MESD: variants seen among roughly 807,000 people sequenced by gnomAD.
The protein encoded by MESD is LRP chaperone MESD.
In MESD, 7 loss-of-function variants were observed where a neutral mutation model predicts 12.9. The ratio of observed to expected loss-of-function variants is 0.54; its 90% CI spans 0.31 to 1.02. The LOEUF (loss-of-function observed/expected upper bound fraction) is 1.02, where lower values mean the gene tolerates loss of function less well. Ranked by LOEUF, MESD falls within the 50% of genes least tolerant of loss-of-function variation. The pLI is 0.05. For synonymous variants in MESD, 126 were observed against 115.6 expected (o/e 1.09, Z -0.58); for missense variants, 342 against 296.7 (o/e 1.15, Z -1.12).
At chr15:80,949,055 T>C in intron 4 of MESD, 3 of 1,239,866 alleles carry the variant, frequency 2.4e-6, no homozygotes, top group Non-Finnish European at 3.5e-6. Context: ...TCAGCCCTGA[T>C]GGGCCAAGGG....
chr15:80,965,855 T>C (rs1375534312), intron 3 of MESD, among the ~76,000 whole-genome samples: 2 of 151,980 alleles, frequency 1.3e-5, no homozygotes, highest in Non-Finnish European at 2.9e-5. Context: ...CTAATGTAAA[T>C]GATGAGTTGA....
At chr15:80,986,708 CCT>C (rs1902744269) in intron 1 of MESD, among the ~76,000 whole-genome samples, 1 of 152,184 alleles carries the variant, frequency 6.6e-6, no homozygotes, top group Non-Finnish European at 1.5e-5. Context: ...CAGGCAGTCC[CCT>C]GACTCCAGTC....
At chr15:80,968,454 C>T (rs79015069) in intron 3 of MESD, among the ~76,000 whole-genome samples, 6,016 of 152,262 alleles carry the variant, frequency 0.04, 158 homozygotes, top group Non-Finnish European at 0.062. Flanking sequence ...TTAACCCCTA[C>T]AAGCTTCTGT....
intron 4 of MESD, chr15:80,949,444 T>C (rs1901723582): frequency 5.2e-6 from 1 of 193,560 alleles, no homozygotes; most frequent in African/African-American, 2.3e-5. Context: ...GGGGTAGAAC[T>C]GGCTATCCTT....
chr15:80,965,479 T>C (rs1332508990), intron 3 of MESD, among the ~76,000 whole-genome samples: 2 of 152,238 alleles, frequency 1.3e-5, no homozygotes, highest in East Asian at 3.8e-4. Flanking sequence ...TTATAAATCA[T>C]GTTGCTATAA....
chr15:80,966,874 C>A (rs1902183778), intron 3 of MESD, among the ~76,000 whole-genome samples: 1 of 152,210 alleles, frequency 6.6e-6, no homozygotes, highest in Non-Finnish European at 1.5e-5. Flanking sequence ...AAATAACTGG[C>A]TTGAAGTGGC....
chr15:80,962,735 T>C (rs931129322), intron 3 of MESD, among the ~76,000 whole-genome samples: 21 of 152,326 alleles, frequency 1.4e-4, no homozygotes, highest in African/African-American at 5.1e-4. Flanking sequence ...CCTGAATGAC[T>C]ACTGGGTAAA....
At chr15:80,973,344 C>T (rs1457236996), downstream of MESD, among the ~76,000 whole-genome samples, 1 of 152,090 alleles carries the variant, frequency 6.6e-6, no homozygotes, top group African/African-American at 2.4e-5. Context: ...GAAACCTCGT[C>T]TCTCGAGAAA....
intron 1 of MESD, among the ~76,000 whole-genome samples, chr15:80,987,186 C>T (rs952061427): frequency 5.3e-5 from 8 of 152,192 alleles, no homozygotes; most frequent in Admixed American, 3.3e-4. Context: ...ACCTCTGAGG[C>T]ACAGCCTCTC....
chr15:80,968,609 C>T (rs1458438865), intron 3 of MESD, among the ~76,000 whole-genome samples: 5 of 151,910 alleles, frequency 3.3e-5, no homozygotes. Flanking sequence ...GAGTTTAAGA[C>T]CAGCCAAGGT....
At chr15:80,974,054 T>C (rs977349446), downstream of MESD, among the ~76,000 whole-genome samples, 1 of 151,732 alleles carries the variant, frequency 6.6e-6, no homozygotes, top group Non-Finnish European at 1.5e-5. Context: ...GTAATAGCAA[T>C]TATGGTTCCC....
In MESD at chr15:80,976,788, T is replaced by A. The variant is rs956616710; in HGVS notation, c.*2431A>T. 6.6e-6 allele frequency: 1 copy of A among 152,200 alleles called. No individual in the cohort carries two copies. The highest frequency in any genetic ancestry group is 1.9e-4 in the East Asian group (1 of 5,190). 9.4% of individuals were successfully genotyped at this position (152,200 alleles called of 1,614,324 possible). A position where few individuals can be genotyped will look rare whatever the true frequency, so the allele number is the denominator to read the frequency against. The stretch of plus-strand genomic sequence containing the variant: ...AAAATGTCCACTGCAGCACTGAATA[T>A]ACCAGCAAAAAATCTGAACACTCAA... On this transcript the variant is annotated 3_prime_UTR_variant, in exon 3 of 3. Coordinates refer to ENST00000261758, the MANE Select transcript of MESD (RefSeq NM_015154.3).
rs1486790775 is a variant in MESD, at chr15:80,986,683, G to T, written c.213+2896C>A. Among the ~76,000 whole-genome samples, 4 of 152,226 alleles carry T rather than the reference G, an allele frequency of 2.6e-5. No homozygotes were observed. The East Asian group carries it at 7.7e-4, about 29-fold the overall frequency. On this transcript the variant is annotated intron_variant, in intron 1 of 2. Coordinates refer to ENST00000261758, the MANE Select transcript of MESD (RefSeq NM_015154.3). ...AGTCTTTACCCTGAGGCAGAGCGGG[G>T]GGCCAGGGACAAGTCAGGCAGTCCC...
chr15:80,979,133 T>G lies in MESD; in HGVS notation c.*86A>C. On this transcript the variant is annotated 3_prime_UTR_variant, in exon 3 of 3. Transcript: ENST00000261758. Reference sequence around the variant, plus strand: ...CACTAGAATGTCATCCGGTGTGCAGTTGCCTGAGACCACTCCCACCCCAGG... The same window carrying G: ...CACTAGAATGTCATCCGGTGTGCAGGTGCCTGAGACCACTCCCACCCCAGG... The G allele has an allele frequency of 6.6e-7, 1 of 1,517,764 alleles. No individual in the cohort carries two copies. The highest frequency in any genetic ancestry group is 2.3e-5 in the East Asian group (1 of 44,316). The allele number at this position is 1,517,764 out of a possible 1,614,324, so 94.0% of individuals were successfully genotyped here. A position where few individuals can be genotyped will look rare whatever the true frequency, so the allele number is the denominator to read the frequency against.
downstream of MESD, among the ~76,000 whole-genome samples, chr15:80,972,362 T>A (rs984092818): frequency 2.0e-5 from 3 of 152,226 alleles, no homozygotes; most frequent in African/African-American, 7.2e-5. Context: ...GCCTCAGCTA[T>A]CAAATCATCC....
rs1567128562 is a variant in MESD at position 80,989,714 on chromosome 15, T to C, written c.78A>G (p.Leu26=). Residue 26 remains leucine (L), a synonymous_variant, in exon 1 of 3, where the codon CTA becomes CTG. Coordinates refer to ENST00000261758, the MANE Select transcript of MESD (RefSeq NM_015154.3). ...ASDLLLLLLL[L]PPPGSCAAEG... is the part of the protein sequence containing the mutation. ...CGGCCGCGCAGGACCCAGGCGGTGGTAGCAGTAGCAGCAGCAGCAGCAGGT... is the reference window on the plus strand; with the variant it reads ...CGGCCGCGCAGGACCCAGGCGGTGGCAGCAGTAGCAGCAGCAGCAGCAGGT... The C allele has an allele frequency of 6.2e-7, 1 of 1,609,556 alleles. No homozygotes were observed.
rs374072155 is a variant in MESD, at chr15:80,978,007, G to C, written c.*1212C>G. 1 of 152,174 alleles carries C rather than the reference G, an allele frequency of 6.6e-6. No individual in the cohort carries two copies. Among genetic ancestry groups the C allele is most frequent in the Admixed American group, 6.5e-5 (1 of 15,270 alleles). 9.4% of individuals were successfully genotyped at this position (152,174 alleles called of 1,614,324 possible). A position where few individuals can be genotyped will look rare whatever the true frequency, so the allele number is the denominator to read the frequency against. On this transcript the variant is annotated 3_prime_UTR_variant, in exon 3 of 3. Coordinates refer to ENST00000261758, the MANE Select transcript of MESD (RefSeq NM_015154.3). The stretch of plus-strand genomic sequence containing the variant: ...AATTAAGGGGAAACAGATGCTGTGA[G>C]GCCAAAACAAACATACATCACCATA...
intron 3 of MESD, among the ~76,000 whole-genome samples, chr15:80,953,414 T>A (rs772996308): frequency 6.6e-6 from 1 of 150,850 alleles, no homozygotes; most frequent in Non-Finnish European, 1.5e-5. Flanking sequence ...CACAGAGAGG[T>A]TGGGGTGGAG....
intron 1 of MESD, 82 bp from the exon 2 acceptor site, chr15:80,982,264 G>A: frequency 9.4e-7 from 1 of 1,064,218 alleles, no homozygotes; most frequent in South Asian, 1.4e-5. Context: ...TCTGCATGAT[G>A]TCAGGTGCAT....
Sources: allele counts gnomAD v4.1 joint callset (sites outside exome capture counted in the v4.1 genomes callset), GRCh38; gene constraint gnomAD v4.1.1; transcripts MANE v1.5; gene names NCBI Gene and HGNC (gene_info 2026-07-23, HGNC 2026-07-21).